WNT3A: variants seen among roughly 807,000 people sequenced by gnomAD.
WNT3A encodes Wnt family member 3A.
WNT3A carries 17 observed loss-of-function variants against 37.0 expected under a neutral mutation model. The ratio of observed to expected loss-of-function variants is 0.46; its 90% CI spans 0.31 to 0.69. WNT3A has a LOEUF of 0.69. WNT3A is among the 30% of genes least tolerant of loss of function. The pLI, the probability that WNT3A is intolerant of heterozygous loss-of-function variation, is 0.05. For synonymous variants in WNT3A, 187 were observed against 211.0 expected, an observed-to-expected ratio of 0.89 and a Z score of 0.99; for missense variants, 411 against 510.2, an observed-to-expected ratio of 0.81 and a Z score of 1.87.
chr1:228,055,214 A>ATG (rs2031660555), intron 3 of WNT3A, among the ~76,000 whole-genome samples: 1 of 127,316 alleles, frequency 7.9e-6, no homozygotes, highest in African/African-American at 2.9e-5. Context: ...ATATATATAT[A>ATG]TATATACACA....
At position 228,040,885 on chromosome 1, in the gene WNT3A, CAA is replaced by C. The variant is rs11328093; in HGVS notation, c.314-9756_314-9755del. The stretch of plus-strand genomic sequence containing the variant: ...TGGGCGACAGAACGAGACTCTATCT[CAA>C]AAAAAAAAAAAAAAGAATTTGGAAA... On this transcript the variant is annotated intron_variant, in intron 2 of 3. Coordinates refer to ENST00000284523, the MANE Select transcript of WNT3A (RefSeq NM_033131.4). 2.7e-3 allele frequency among the ~76,000 whole-genome samples: 317 copies of C among 118,608 alleles called. 2 individuals are homozygous for C. Among genetic ancestry groups the C allele is most frequent in the South Asian group, 7.0e-3 (25 of 3,552 alleles). 77.8% of individuals were successfully genotyped at this position (118,608 alleles called of 152,430 possible).
At chr1:228,041,495 T>A (rs2031283254) in intron 2 of WNT3A, among the ~76,000 whole-genome samples, 1 of 151,396 alleles carries the variant, frequency 6.6e-6, no homozygotes, top group Admixed American at 6.6e-5. Flanking sequence ...CATCCATCAA[T>A]CCATCATCCA....
Position 228,050,542 on chromosome 1 carries a change from AC to A in WNT3A, c.314-111del. The A allele has an allele frequency of 7.4e-7, 1 of 1,350,516 alleles. No homozygotes were observed. The highest frequency in any genetic ancestry group is 9.9e-7 in the Non-Finnish European group (1 of 1,014,984). 83.7% of individuals were successfully genotyped at this position (1,350,516 alleles called of 1,614,324 possible). ...AGTAAGCCTCTTTGCCTTATACACC[AC>A]CCAACCTCACGAGTTCCTTTATAAC... On this transcript the variant is annotated intron_variant, in intron 2 of 3. Transcript: ENST00000284523. This position sits in a 1 kb window ranked among gnomAD's most constrained non-coding sequence, Gnocchi z 5.0.
rs926090760 is a variant in WNT3A, at chr1:228,059,661, C to T, written c.*196C>T. 1 of 1,366,242 alleles carries T rather than the reference C, an allele frequency of 7.3e-7. No homozygotes were observed. The highest frequency in any genetic ancestry group is 2.9e-5 in the East Asian group (1 of 34,384). The allele number at this position is 1,366,242 out of a possible 1,614,324, so 84.6% of individuals were successfully genotyped here. ...CTCCTCCCTGGAGCTAGTGTCTCCT[C>T]TCTGGTGGCTGGGCTGCTCCTGAAT... On this transcript the variant is annotated 3_prime_UTR_variant, in exon 4 of 4. Transcript: ENST00000284523.
intron 1 of WNT3A, among the ~76,000 whole-genome samples, chr1:228,014,670 G>A (rs2030475090): frequency 6.6e-6 from 1 of 152,256 alleles, no homozygotes. Flanking sequence ...CGTAAGATGG[G>A]AAATTGCACA....
At chr1:228,014,381 A>G (rs1231840826) in intron 1 of WNT3A, among the ~76,000 whole-genome samples, 1 of 152,192 alleles carries the variant, frequency 6.6e-6, no homozygotes, top group East Asian at 1.9e-4. Flanking sequence ...ATGGAGCATT[A>G]CTGTGAGGTC....
intron 2 of WNT3A, among the ~76,000 whole-genome samples, chr1:228,033,107 T>C (rs899932836): frequency 6.6e-6 from 1 of 152,202 alleles, no homozygotes; most frequent in Non-Finnish European, 1.5e-5. Flanking sequence ...TTGCAAATAT[T>C]TTCCCCCATT....
At chr1:228,023,540 G>A (rs1243986418) in intron 2 of WNT3A, among the ~76,000 whole-genome samples, 28 of 151,536 alleles carry the variant, frequency 1.8e-4, no homozygotes, top group Admixed American at 1.8e-3. Flanking sequence ...GAGACAGAGA[G>A]AGACAGAAAT....
chr1:228,037,789 C>T lies in WNT3A; in HGVS notation c.314-12867C>T, dbSNP rs1393615665. ...GGCTGGGAGCACAATATCCCAGCGACGGCGACAAGATTAAGCACAAGGGGA... is the reference window on the plus strand; with the variant it reads ...GGCTGGGAGCACAATATCCCAGCGATGGCGACAAGATTAAGCACAAGGGGA... On this transcript the variant is annotated intron_variant, in intron 2 of 3. Transcript: ENST00000284523. The surrounding 1 kb of genome is among the most constrained non-coding windows in gnomAD (Gnocchi z 4.1). Among the ~76,000 whole-genome samples, 2 of 152,230 alleles carry T rather than the reference C, an allele frequency of 1.3e-5. No homozygotes were observed. The highest frequency in any genetic ancestry group is 2.9e-5 in the Non-Finnish European group (2 of 68,030).
chr1:228,033,563 T>C (rs2031063778), intron 2 of WNT3A, among the ~76,000 whole-genome samples: 1 of 152,242 alleles, frequency 6.6e-6, no homozygotes, highest in African/African-American at 2.4e-5. Flanking sequence ...GTTTTGATTA[T>C]TGTAGTTTTG....
Position 228,008,199 on chromosome 1 carries a change from A to G in WNT3A, c.71+1000A>G, listed in dbSNP as rs1276742169. Among the ~76,000 whole-genome samples the G allele has an allele frequency of 2.0e-5, 3 of 152,100 alleles. No individual in the cohort carries two copies. The highest frequency in any genetic ancestry group is 7.2e-5 in the African/African-American group (3 of 41,416). On this transcript the variant is annotated intron_variant, in intron 1 of 3. Transcript: ENST00000284523. This position sits in a 1 kb window ranked among gnomAD's most constrained non-coding sequence, Gnocchi z 4.9. ...AGATTGAGGAACACAAGTGGGAGGA[A>G]TGTGGGCGCGCAGGGCCGGGCGCAG...
rs1255151599 is a variant in WNT3A, at chr1:228,059,812, CG to C, written c.*352del. 17 of 1,061,238 alleles carry C rather than the reference CG, an allele frequency of 1.6e-5. No homozygotes were observed. Among genetic ancestry groups the C allele is most frequent in the Non-Finnish European group, 1.9e-5 (17 of 880,092 alleles). 65.7% of individuals were successfully genotyped at this position (1,061,238 alleles called of 1,614,324 possible). On this transcript the variant is annotated 3_prime_UTR_variant, in exon 4 of 4. Transcript: ENST00000284523. ...CTTGGGTGGGACAGGGCTTCTCCTGCGGGGGCGAGGCCCCTCCCAGTAAGGG... is the reference window on the plus strand; with the variant it reads ...CTTGGGTGGGACAGGGCTTCTCCTGCGGGGCGAGGCCCCTCCCAGTAAGGG...
chr1:228,055,146 G>A (rs1220104742), intron 3 of WNT3A, among the ~76,000 whole-genome samples: 4 of 78,152 alleles, frequency 5.1e-5, no homozygotes, highest in Non-Finnish European at 9.2e-5. Context: ...GTTTTTTTTG[G>A]AAACTCCGTC....
Position 228,060,115 on chromosome 1 carries a change from A to AC in WNT3A, c.*652dup, listed in dbSNP as rs888180335. The stretch of plus-strand genomic sequence containing the variant: ...TTCCTGTGGGTGGGGCTTCTCTGGG[A>AC]CCAGGCTCCAATGGGGCGGGGCTTC... On this transcript the variant is annotated 3_prime_UTR_variant, in exon 4 of 4. Coordinates refer to ENST00000284523, the MANE Select transcript of WNT3A (RefSeq NM_033131.4). 7.7e-7 allele frequency: 1 copy of AC among 1,306,630 alleles called. No homozygotes were observed. Among genetic ancestry groups the AC allele is most frequent in the Admixed American group, 2.1e-5 (1 of 47,892 alleles). The allele number at this position is 1,306,630 out of a possible 1,614,324, so 80.9% of individuals were successfully genotyped here.
chr1:228,015,196 G>T (rs1222455808), intron 1 of WNT3A, among the ~76,000 whole-genome samples: 1 of 152,182 alleles, frequency 6.6e-6, no homozygotes, highest in Non-Finnish European at 1.5e-5. Flanking sequence ...ATGATCACAC[G>T]ATGGTTCCAC....
At chr1:228,046,168 G>C (rs2031400028) in intron 2 of WNT3A, among the ~76,000 whole-genome samples, 1 of 152,282 alleles carries the variant, frequency 6.6e-6, no homozygotes, top group South Asian at 2.1e-4. Context: ...TTGAGGTCAG[G>C]AGAGGAGATA....
At chr1:228,027,673 C>T (rs747662613) in intron 2 of WNT3A, among the ~76,000 whole-genome samples, 4 of 152,064 alleles carry the variant, frequency 2.6e-5, no homozygotes, top group South Asian at 2.1e-4. Flanking sequence ...TCTGGATATT[C>T]GCCTTTGTCA....
intron 2 of WNT3A, among the ~76,000 whole-genome samples, chr1:228,027,131 C>T (rs963547365): frequency 1.3e-5 from 2 of 152,244 alleles, no homozygotes; most frequent in African/African-American, 2.4e-5. Context: ...GCGTGAGCCA[C>T]GGTGCCTGGC....
chr1:228,053,338 T>G (rs1260474902), intron 3 of WNT3A, among the ~76,000 whole-genome samples: 1 of 152,198 alleles, frequency 6.6e-6, no homozygotes, highest in Non-Finnish European at 1.5e-5. Flanking sequence ...AAAAATCAAT[T>G]ACAAATCCCA....
Sources: gnomAD v4.1 joint callset for allele counts (sites outside exome capture counted in the v4.1 genomes callset) on GRCh38, gnomAD v4.1.1 for gene constraint, Gnocchi (gnomAD v3.1) non-coding constraint, MANE v1.5 for transcripts, NCBI Gene and HGNC (gene_info 2026-07-23, HGNC 2026-07-21) for gene names.